ANKS6: variants seen among roughly 807,000 people sequenced by gnomAD.
ANKS6 encodes ankyrin repeat and sterile alpha motif domain containing 6.
ANKS6 carries 47 observed loss-of-function variants against 77.9 expected under a neutral mutation model. That is an observed-to-expected ratio of 0.60 (90% CI 0.48 to 0.77). ANKS6 has a LOEUF of 0.77. ANKS6 is among the 30% of genes least tolerant of loss of function. The pLI is 0.00. For missense variants in ANKS6, 1,150 were observed against 1,159.1 expected (o/e 0.99, Z 0.11); for synonymous variants, 488 against 501.7 (o/e 0.97, Z 0.37).
intron 11 of ANKS6, among the ~76,000 whole-genome samples, chr9:98,766,483 A>C (rs1833296818): frequency 6.6e-6 from 1 of 152,220 alleles, no homozygotes; most frequent in Non-Finnish European, 1.5e-5. Context: ...AAAGAAAGAA[A>C]TACAATAATT....
intron 9 of ANKS6, among the ~76,000 whole-genome samples, chr9:98,771,363 G>C (rs1438137202): frequency 6.6e-6 from 1 of 152,194 alleles, no homozygotes; most frequent in African/African-American, 2.4e-5. Flanking sequence ...ACCCACGGAG[G>C]CCTCAGCACA....
chr9:98,795,355 C>T (rs1835116920), intron 1 of ANKS6, among the ~76,000 whole-genome samples: 1 of 152,154 alleles, frequency 6.6e-6, no homozygotes, highest in South Asian at 2.1e-4. Context: ...GTCACTCATT[C>T]TGCCTAGAAC....
At chr9:98,772,733 C>T (rs1833709267) in intron 9 of ANKS6, among the ~76,000 whole-genome samples, 2 of 152,152 alleles carry the variant, frequency 1.3e-5, no homozygotes, top group Admixed American at 6.5e-5. Flanking sequence ...CTACCTGGGA[C>T]GCTGCTGCCT....
intron 12 of ANKS6, among the ~76,000 whole-genome samples, 187 bp downstream of exon 12, chr9:98,756,233 T>C (rs1353574890): frequency 4.6e-5 from 7 of 152,274 alleles, no homozygotes; most frequent in Non-Finnish European, 7.4e-5. Context: ...GAGCTTACCA[T>C]ACCTTTAGCA....
intron 2 of ANKS6, among the ~76,000 whole-genome samples, chr9:98,787,433 C>T (rs1409541709): frequency 5.4e-5 from 8 of 149,422 alleles, no homozygotes; most frequent in Non-Finnish European, 8.9e-5. Context: ...ATTTAATATG[C>T]TTATTTCCTA....
In ANKS6 at chr9:98,778,412, G is replaced by A. The variant is rs369437168; in HGVS notation, c.1381C>T (p.Arg461Ter). 3.2e-5 allele frequency: 52 copies of A among 1,613,764 alleles called. No homozygotes were observed. Among genetic ancestry groups the A allele is most frequent in the Non-Finnish European group, 1.5e-5 (18 of 1,179,984 alleles). The change falls in exon 7 of 15, where the codon CGA (arginine) becomes TGA (stop). Residue 461 changes from arginine to a stop codon, truncating the protein, a stop_gained. Coordinates refer to ENST00000353234, the MANE Select transcript of ANKS6 (RefSeq NM_173551.5). LOFTEE classifies it high-confidence loss of function. ...DKGGLKSWWN[R>*]MSNRFRKLKL... ...AGCTTTCGGAACCGATTGGACATTC[G>A]GTTCCACCAGGACTGCCAAAGGAAC...
intron 14 of ANKS6, among the ~76,000 whole-genome samples, chr9:98,741,287 C>A (rs1017746314): frequency 6.6e-6 from 1 of 152,158 alleles, no homozygotes; most frequent in Non-Finnish European, 1.5e-5. Context: ...AAATTTATCT[C>A]AGTTATATTT....
intron 9 of ANKS6, 123 bp from the exon 10 acceptor site, chr9:98,771,169 G>C (rs1833605956): frequency 8.5e-7 from 1 of 1,173,422 alleles, no homozygotes; most frequent in Non-Finnish European, 1.1e-6. Flanking sequence ...GCTGTGCCCA[G>C]CATGGCCCTG....
At position 98,732,733 on chromosome 9, in the gene ANKS6, C is replaced by T. The variant is rs541284154; in HGVS notation, c.*3786G>A. 54 of 1,435,518 alleles carry T rather than the reference C, an allele frequency of 3.8e-5. 1 individual carries two copies. In the South Asian group the frequency reaches 7.7e-4, roughly 21 times the overall value. The allele number at this position is 1,435,518 out of a possible 1,614,324, so 88.9% of individuals were successfully genotyped here. ...TGTAACCAAAAGGGAAACTGGGACT[C>T]AAAGGGAAGAAGAAACGTGCTCAAC... On this transcript the variant is annotated 3_prime_UTR_variant, in exon 15 of 15. Coordinates refer to ENST00000353234, the MANE Select transcript of ANKS6 (RefSeq NM_173551.5).
rs1833400865 is a variant in ANKS6, at chr9:98,768,085, C to T, written c.2138G>A (p.Gly713Asp). 3 of 1,606,392 alleles carry T rather than the reference C, an allele frequency of 1.9e-6. 1 individual carries two copies. The South Asian group carries it at 3.3e-5, about 18-fold the overall frequency. The change falls in exon 11 of 15, where the codon GGC (glycine) becomes GAC (aspartate). Residue 713 changes from glycine to aspartate, a missense_variant. By Grantham distance (94) the Gly-to-Asp change is moderately conservative. Coordinates refer to ENST00000353234, the MANE Select transcript of ANKS6 (RefSeq NM_173551.5). ...GAGGCCACACAAAACAAGCACCTTG[C>T]CAACAGGAGCGCTGCCACCTGCAGG... is the stretch of plus-strand genomic sequence containing the variant. ...ASPAGGSAPVGKKLETSKRPP... is the reference protein window; with the variant it reads ...ASPAGGSAPVDKKLETSKRPP...
chr9:98,741,710 C>T (rs946207444), intron 14 of ANKS6, among the ~76,000 whole-genome samples: 5 of 152,196 alleles, frequency 3.3e-5, no homozygotes, highest in Non-Finnish European at 5.9e-5. Flanking sequence ...CAGACTCGAG[C>T]ACACATTACA....
Position 98,756,601 on chromosome 9 carries a change from T to C in ANKS6, c.2145A>G (p.Lys715=). Reference sequence around the variant, plus strand: ...ATGGAGGCCTTTTGCTGGTCTCCAATTTCTGCTGAACAGAGTAAGACAAAT... The same window carrying C: ...ATGGAGGCCTTTTGCTGGTCTCCAACTTCTGCTGAACAGAGTAAGACAAAT... ...PAGGSAPVGK[K]LETSKRPPSG... Residue 715 remains lysine (K), a splice_region_variant and synonymous_variant, in exon 12 of 15, where the codon AAA becomes AAG. Coordinates refer to ENST00000353234, the MANE Select transcript of ANKS6 (RefSeq NM_173551.5). 1 of 1,534,220 alleles carries C rather than the reference T, an allele frequency of 6.5e-7. No individual in the cohort carries two copies. The highest frequency in any genetic ancestry group is 1.4e-5 in the African/African-American group (1 of 71,832).
intron 11 of ANKS6, 50 bp from the exon 12 acceptor site, chr9:98,756,653 A>C: frequency 2.1e-6 from 3 of 1,404,210 alleles, no homozygotes; most frequent in Non-Finnish European, 2.8e-6. Flanking sequence ...GTAGGGTAGA[A>C]ATGAGGAAAA....
rs372900733 is a variant in ANKS6, at chr9:98,783,994, G to A, written c.1071C>T (p.Ser357=). Residue 357 remains serine, a synonymous_variant, in exon 4 of 15, where the codon AGC becomes AGT. Coordinates refer to ENST00000353234, the MANE Select transcript of ANKS6 (RefSeq NM_173551.5). ...GCATGAGGGCCGTCCAGCCATGCAC[G>A]CTGTCCTGCTTGTCAACATCCGCGT... is the stretch of plus-strand genomic sequence containing the variant. ...ERHADVDKQD[S]VHGWTALMQA... The A allele has an allele frequency of 8.7e-6, 14 of 1,608,344 alleles. No homozygotes were observed. The highest frequency in any genetic ancestry group is 2.0e-4 in the Middle Eastern group (1 of 4,980).
intron 14 of ANKS6, among the ~76,000 whole-genome samples, chr9:98,739,907 C>G (rs1257303972): frequency 6.6e-6 from 1 of 151,550 alleles, no homozygotes; most frequent in Non-Finnish European, 1.5e-5. Context: ...AGGCGCCCGC[C>G]ACCTCACCCG....
intron 13 of ANKS6, among the ~76,000 whole-genome samples, chr9:98,745,894 T>A (rs1259698926): frequency 6.6e-6 from 1 of 152,220 alleles, no homozygotes; most frequent in Non-Finnish European, 1.5e-5. Context: ...TCTGAACAGA[T>A]GCATTTTAGG....
intron 13 of ANKS6, 125 bp from the exon 14 acceptor site, chr9:98,745,800 C>T (rs1214850796): frequency 4.3e-6 from 3 of 700,736 alleles, no homozygotes; most frequent in South Asian, 3.6e-5. Flanking sequence ...TGATTTACTA[C>T]TTCTAAGTCC....
chr9:98,748,144 G>C (rs1297710371), intron 13 of ANKS6, among the ~76,000 whole-genome samples: 1 of 152,234 alleles, frequency 6.6e-6, no homozygotes, highest in Non-Finnish European at 1.5e-5. Flanking sequence ...GGTCTGGCAG[G>C]GGCAGGGTCT....
At position 98,745,448 on chromosome 9, in the gene ANKS6, AG is replaced by A. The variant is rs989029365; in HGVS notation, c.2511+110del. On this transcript the variant is annotated intron_variant, in intron 14 of 14. Transcript: ENST00000353234. ...GAAAAGGCCATGCTGGGAGGTAGTG[AG>A]TGCTTGCTCACTGTCAGAGAGAGGA... 43 of 985,626 alleles carry A rather than the reference AG, an allele frequency of 4.4e-5. 1 individual carries two copies. The African/African-American group carries it at 6.3e-4, about 14-fold the overall frequency. 61.1% of individuals were successfully genotyped at this position (985,626 alleles called of 1,614,324 possible).
Sources: allele counts gnomAD v4.1 joint callset (sites outside exome capture counted in the v4.1 genomes callset), GRCh38; gene constraint gnomAD v4.1.1; transcripts MANE v1.5; gene names NCBI Gene and HGNC (gene_info 2026-07-23, HGNC 2026-07-21).